Variants in DCLK2 observed in about 807,000 individuals in gnomAD.
DCLK2 encodes doublecortin like kinase 2, also known as serine/threonine-protein kinase DCLK2.
In DCLK2, 31 loss-of-function variants were observed where a neutral mutation model predicts 78.4. That is an observed-to-expected ratio of 0.40 (90% CI 0.30 to 0.53). DCLK2 has a LOEUF of 0.53. DCLK2 is among the 20% of genes least tolerant of loss of function. DCLK2 has a pLI of 0.61. For synonymous variants in DCLK2, 407 were observed against 374.9 expected, an observed-to-expected ratio of 1.09 and a Z score of -0.99; for missense variants, 872 against 973.7, an observed-to-expected ratio of 0.90 and a Z score of 1.39.
intron 5 of DCLK2, among the ~76,000 whole-genome samples, chr4:150,214,518 G>A (rs961550082): frequency 1.3e-5 from 2 of 152,116 alleles, no homozygotes; most frequent in African/African-American, 4.8e-5. Flanking sequence ...CCAATCACCT[G>A]TTTTTCTGAA....
At chr4:150,135,258 T>G (rs1287646022) in intron 2 of DCLK2, among the ~76,000 whole-genome samples, 1 of 152,040 alleles carries the variant, frequency 6.6e-6, no homozygotes, top group Non-Finnish European at 1.5e-5. Flanking sequence ...CAGTGCACAT[T>G]AGCATATCAG....
chr4:150,189,270 A>G (rs1376273703), intron 2 of DCLK2, among the ~76,000 whole-genome samples: 1 of 152,136 alleles, frequency 6.6e-6, no homozygotes, highest in East Asian at 1.9e-4. Flanking sequence ...GTTCAATTCC[A>G]TTTAAGAACC....
chr4:150,134,942 C>G (rs1238132125), intron 2 of DCLK2, among the ~76,000 whole-genome samples: 1 of 151,848 alleles, frequency 6.6e-6, no homozygotes, highest in Non-Finnish European at 1.5e-5. Context: ...TACTGTTTTG[C>G]CTTTTAGATG....
chr4:150,124,047 T>C (rs994002557), intron 2 of DCLK2, among the ~76,000 whole-genome samples: 2 of 152,120 alleles, frequency 1.3e-5, no homozygotes, highest in Non-Finnish European at 2.9e-5. Flanking sequence ...CCTCATACTT[T>C]TGGTTTTAAA....
intron 2 of DCLK2, among the ~76,000 whole-genome samples, chr4:150,150,127 TA>T (rs1229358525): frequency 6.6e-6 from 1 of 152,086 alleles, no homozygotes; most frequent in East Asian, 1.9e-4. Context: ...GAAATAAATT[TA>T]AAAAAATAAA....
intron 3 of DCLK2, among the ~76,000 whole-genome samples, chr4:150,194,650 A>G (rs2126386354): frequency 6.6e-6 from 1 of 152,294 alleles, no homozygotes. Context: ...CTTTAAATGA[A>G]GTAAAATTAT....
chr4:150,110,391 T>C (rs564077337), intron 2 of DCLK2, among the ~76,000 whole-genome samples: 8 of 152,342 alleles, frequency 5.3e-5, no homozygotes, highest in African/African-American at 1.7e-4. Flanking sequence ...TGACAATGTG[T>C]AGAGTAATAG....
At chr4:150,185,221 G>T (rs972643732) in intron 2 of DCLK2, among the ~76,000 whole-genome samples, 9 of 152,130 alleles carry the variant, frequency 5.9e-5, no homozygotes, top group African/African-American at 2.2e-4. Context: ...ATGAGCCAAG[G>T]TGGGGAAAGC....
intron 12 of DCLK2, among the ~76,000 whole-genome samples, chr4:150,243,865 C>CTT (rs200972178): frequency 7.4e-6 from 1 of 135,550 alleles, no homozygotes; most frequent in Non-Finnish European, 1.6e-5. Flanking sequence ...CCATGCCCAG[C>CTT]TTTTTTTTTT....
At position 150,209,377 on chromosome 4, in the gene DCLK2, C is replaced by T. The variant is rs149091138; in HGVS notation, c.1056+5488C>T. ...CCCACAGCCAGGAACATGGGGAGCC[C>T]TGGGGCTTCTGAAATAAAGACAATT... is the stretch of plus-strand genomic sequence containing the variant. On this transcript the variant is annotated intron_variant, in intron 5 of 15. Coordinates refer to ENST00000296550, the MANE Select transcript of DCLK2 (RefSeq NM_001040260.4). Among the ~76,000 whole-genome samples the T allele has an allele frequency of 5.9e-5, 9 of 152,350 alleles. No individual in the cohort carries two copies. The East Asian group carries it at 1.5e-3, about 26-fold the overall frequency.
chr4:150,240,307 C>A, intron 11 of DCLK2, 92 bp from the exon 12 acceptor site: 4 of 1,050,410 alleles, frequency 3.8e-6, no homozygotes, highest in South Asian at 1.5e-5. Flanking sequence ...TAAAATAATC[C>A]TTTTCCTAAC....
chr4:150,221,377 C>CAAA (rs914596033), intron 6 of DCLK2, among the ~76,000 whole-genome samples: 2 of 150,388 alleles, frequency 1.3e-5, no homozygotes, highest in African/African-American at 4.9e-5. Context: ...TGAACATCGA[C>CAAA]AAAAAAGTTT....
chr4:150,119,626 C>T (rs961155400), intron 2 of DCLK2, among the ~76,000 whole-genome samples: 2 of 152,166 alleles, frequency 1.3e-5, no homozygotes, highest in Non-Finnish European at 2.9e-5. Context: ...ACCACCTCCA[C>T]CTCTGCTACT....
At chr4:150,128,971 G>A (rs1303846740) in intron 2 of DCLK2, among the ~76,000 whole-genome samples, 1 of 152,134 alleles carries the variant, frequency 6.6e-6, no homozygotes, top group East Asian at 1.9e-4. Flanking sequence ...CTATTACTCA[G>A]AAGTAATGCT....
chr4:150,118,025 C>G (rs1732230225), intron 2 of DCLK2, among the ~76,000 whole-genome samples: 1 of 152,104 alleles, frequency 6.6e-6, no homozygotes, highest in Admixed American at 6.5e-5. Context: ...CCAAAAAATT[C>G]AAGTACCTAT....
chr4:150,197,359 C>T (rs944989615), intron 3 of DCLK2, among the ~76,000 whole-genome samples: 3 of 152,142 alleles, frequency 2.0e-5, no homozygotes, highest in African/African-American at 4.8e-5. Flanking sequence ...GATAGTTGCA[C>T]ATGTATAGAT....
intron 15 of DCLK2, among the ~76,000 whole-genome samples, chr4:150,254,116 C>T (rs1391661636): frequency 9.9e-5 from 15 of 152,166 alleles, no homozygotes; most frequent in Admixed American, 9.8e-4. Context: ...CCCCGGGGGG[C>T]TCGCCCCAGT....
At chr4:150,130,359 C>T (rs141556851) in intron 2 of DCLK2, among the ~76,000 whole-genome samples, 1 of 151,894 alleles carries the variant, frequency 6.6e-6, no homozygotes, top group Admixed American at 6.6e-5. Context: ...GGGAAGTGTT[C>T]GTGAAGAAAT....
At chr4:150,254,634 A>AC (rs1744432047) in intron 15 of DCLK2, among the ~76,000 whole-genome samples, 1 of 151,972 alleles carries the variant, frequency 6.6e-6, no homozygotes, top group Non-Finnish European at 1.5e-5. Flanking sequence ...TTCCACAGTT[A>AC]CCCTTTCTCC....
Sources: gnomAD v4.1 joint callset for allele counts (sites outside exome capture counted in the v4.1 genomes callset) on GRCh38, gnomAD v4.1.1 for gene constraint, MANE v1.5 for transcripts, NCBI Gene and HGNC (gene_info 2026-07-23, HGNC 2026-07-21) for gene names.